ABI3BP: variants seen among roughly 807,000 people sequenced by gnomAD.
The protein encoded by ABI3BP is target of Nesh-SH3.
A neutral mutation model predicts 268.6 loss-of-function variants in ABI3BP; 216 were observed. The observed-to-expected ratio is 0.80, with a 90% CI of 0.72 to 0.90. ABI3BP has a LOEUF of 0.90. ABI3BP is among the 40% of genes least tolerant of loss of function. The pLI is 0.00. For missense variants in ABI3BP, 2,090 were observed against 2,182.4 expected (o/e 0.96, Z 0.84); for synonymous variants, 730 against 730.0 (o/e 1.00, Z 0.00).
intron 34 of ABI3BP, among the ~76,000 whole-genome samples, chr3:100,826,452 G>A (rs1407499138): frequency 1.3e-5 from 2 of 152,140 alleles, no homozygotes; most frequent in East Asian, 1.9e-4. Flanking sequence ...AACAATTCCT[G>A]TAGTTATGGT....
chr3:100,757,661 A>C (rs2095695534), intron 63 of ABI3BP, among the ~76,000 whole-genome samples: 1 of 152,206 alleles, frequency 6.6e-6, no homozygotes, highest in African/African-American at 2.4e-5. Context: ...GTGATGCAGG[A>C]ATTGGGATTC....
At chr3:100,773,077 CAAAA>C (rs563600769) in intron 61 of ABI3BP, among the ~76,000 whole-genome samples, 1 of 58,096 alleles carries the variant, frequency 1.7e-5, no homozygotes, top group Non-Finnish European at 3.7e-5. Flanking sequence ...GAGTCCATCT[CAAAA>C]AAAAAAAAAA....
Position 100,868,325 on chromosome 3 carries a change from A to C in ABI3BP, c.911-1369T>G, listed in dbSNP as rs115681278. Reference sequence around the variant, plus strand: ...CAATAGTGCTCTCACACACTTTTGGAATATTTTGTGCTCCACAGATACTTT... The same window carrying C: ...CAATAGTGCTCTCACACACTTTTGGCATATTTTGTGCTCCACAGATACTTT... On this transcript the variant is annotated intron_variant, in intron 9 of 67. Coordinates refer to ENST00000471714, the MANE Select transcript of ABI3BP (RefSeq NM_001375547.2). Among the ~76,000 whole-genome samples the C allele has an allele frequency of 2.8e-3, 430 of 152,290 alleles. 4 individuals carry two copies. Among genetic ancestry groups the C allele is most frequent in the African/African-American group, 1.0e-2 (415 of 41,556 alleles).
rs145345497 is a variant in ABI3BP at position 100,943,366 on chromosome 3, T to C, written c.80-16885A>G. 6.3e-3 allele frequency among the ~76,000 whole-genome samples: 960 copies of C among 152,246 alleles called. 8 individuals carry two copies. The highest frequency in any genetic ancestry group is 0.02 in the African/African-American group (829 of 41,564). ...TCACCCCCAAACACTTCAGTATGCA[T>C]GCCATTAACTAAAGTTTAATATTTA... On this transcript the variant is annotated intron_variant, in intron 1 of 67. Coordinates refer to ENST00000471714, the MANE Select transcript of ABI3BP (RefSeq NM_001375547.2).
rs976136301 is a variant in ABI3BP, at chr3:100,833,043, T to C, written c.2314+82A>G. 3.3e-6 allele frequency: 4 copies of C among 1,196,152 alleles called. No individual in the cohort carries two copies. The African/African-American group carries it at 6.2e-5, about 19-fold the overall frequency. The allele number at this position is 1,196,152 out of a possible 1,614,324, so 74.1% of individuals were successfully genotyped here. ...GTAATGAGATGACAACAAAAGATGG[T>C]ACAATAGCCTATATAGCACCATAGC... On this transcript the variant is annotated intron_variant, in intron 30 of 67. Transcript: ENST00000471714.
rs550728625 is a variant in ABI3BP at position 100,778,103 on chromosome 3, C to T, written c.4333+181G>A. 3.9e-5 allele frequency among the ~76,000 whole-genome samples: 6 copies of T among 152,332 alleles called. 1 individual carries two copies. In the South Asian group the frequency reaches 1.2e-3, roughly 32 times the overall value. On this transcript the variant is annotated intron_variant, in intron 59 of 67. Coordinates refer to ENST00000471714, the MANE Select transcript of ABI3BP (RefSeq NM_001375547.2). Reference sequence around the variant, plus strand: ...ATGCAGAGGCATGGTTTCCTTCTTTCAGTCCAAGAATCAGGTTGTAAGTCC... The same window carrying T: ...ATGCAGAGGCATGGTTTCCTTCTTTTAGTCCAAGAATCAGGTTGTAAGTCC...
chr3:100,752,208 TCTTA>T (rs2095371447), intron 66 of ABI3BP, among the ~76,000 whole-genome samples: 1 of 152,226 alleles, frequency 6.6e-6, no homozygotes, highest in Non-Finnish European at 1.5e-5. Flanking sequence ...GTCTATCTCT[TCTTA>T]CTAAGGAAGG....
At chr3:100,861,408 G>A (rs1367436987) in intron 14 of ABI3BP, among the ~76,000 whole-genome samples, 1 of 152,056 alleles carries the variant, frequency 6.6e-6, no homozygotes, top group African/African-American at 2.4e-5. Context: ...TTCATTACAT[G>A]AAACATCCAA....
At chr3:100,959,175 C>T (rs886971687) in intron 1 of ABI3BP, among the ~76,000 whole-genome samples, 7 of 152,124 alleles carry the variant, frequency 4.6e-5, no homozygotes, top group Non-Finnish European at 1.0e-4. Flanking sequence ...ACTCGTAAGA[C>T]CCAGAACATT....
At chr3:100,794,647 T>C (rs1277375810) in intron 54 of ABI3BP, among the ~76,000 whole-genome samples, 1 of 151,996 alleles carries the variant, frequency 6.6e-6, no homozygotes, top group African/African-American at 2.4e-5. Context: ...CATTTTTCTT[T>C]TTAGAATACT....
At chr3:100,977,610 T>G (rs917860278) in intron 1 of ABI3BP, among the ~76,000 whole-genome samples, 24 of 152,164 alleles carry the variant, frequency 1.6e-4, no homozygotes, top group African/African-American at 5.8e-4. Context: ...CCAGATTGGG[T>G]GATCCAAGAA....
chr3:100,837,680 C>G (rs1308744034), intron 26 of ABI3BP, among the ~76,000 whole-genome samples: 3 of 152,130 alleles, frequency 2.0e-5, no homozygotes, highest in African/African-American at 4.8e-5. Context: ...TCACTTGAAC[C>G]TGGGAGGCAG....
intron 1 of ABI3BP, among the ~76,000 whole-genome samples, chr3:100,979,152 G>A (rs982791870): frequency 6.6e-6 from 1 of 152,206 alleles, no homozygotes; most frequent in African/African-American, 2.4e-5. Context: ...AAGAGATGAT[G>A]ATGCTTGCTA....
At chr3:100,885,619 T>C in intron 5 of ABI3BP, 31 bp from the exon 6 acceptor site, 2 of 1,360,114 alleles carry the variant, frequency 1.5e-6, no homozygotes, top group Non-Finnish European at 2.0e-6. Context: ...TAACATTATT[T>C]TTATTCTCCT....
Position 100,812,537 on chromosome 3 carries a change from GA to G in ABI3BP, c.3365-15del. The G allele has an allele frequency of 7.6e-7, 1 of 1,315,544 alleles. No individual in the cohort carries two copies. Among genetic ancestry groups the G allele is most frequent in the East Asian group, 2.9e-5 (1 of 34,182 alleles). 81.5% of individuals were successfully genotyped at this position (1,315,544 alleles called of 1,614,324 possible). On this transcript the variant is annotated splice_polypyrimidine_tract_variant and intron_variant, in intron 45 of 67. Coordinates refer to ENST00000471714, the MANE Select transcript of ABI3BP (RefSeq NM_001375547.2). ...GAACATCAGAAACTAGTAAAAAACAGAAAATGGTACAATTGATAAAGGATAG... is the reference window on the plus strand; with the variant it reads ...GAACATCAGAAACTAGTAAAAAACAGAAATGGTACAATTGATAAAGGATAG...
At chr3:100,933,504 T>G (rs189727770) in intron 1 of ABI3BP, among the ~76,000 whole-genome samples, 100 of 151,746 alleles carry the variant, frequency 6.6e-4, no homozygotes, top group African/African-American at 2.3e-3. Flanking sequence ...TCAGTTGAGA[T>G]ATGGCATATG....
chr3:100,761,435 GC>G (rs1384159944), intron 63 of ABI3BP, among the ~76,000 whole-genome samples: 1 of 152,088 alleles, frequency 6.6e-6, no homozygotes, highest in African/African-American at 2.4e-5. Context: ...CACCTTTGGA[GC>G]TGCACCCAGC....
intron 1 of ABI3BP, among the ~76,000 whole-genome samples, chr3:100,971,498 C>T (rs183575211): frequency 1.8e-3 from 275 of 152,274 alleles, no homozygotes; most frequent in Admixed American, 4.5e-3. Context: ...CTGGAGCTGA[C>T]AGCATTATAA....
chr3:100,972,366 G>A (rs2084023923), intron 1 of ABI3BP, among the ~76,000 whole-genome samples: 1 of 152,148 alleles, frequency 6.6e-6, no homozygotes, highest in South Asian at 2.1e-4. Context: ...GGGCCAACAA[G>A]AGAAGTGATG....
Sources: allele counts gnomAD v4.1 joint callset (sites outside exome capture counted in the v4.1 genomes callset), GRCh38; gene constraint gnomAD v4.1.1; transcripts MANE v1.5; gene names NCBI Gene and HGNC (gene_info 2026-07-23, HGNC 2026-07-21).